The following VIRMA variants were observed in gnomAD, a reference collection of about 807,000 sequenced individuals.
The protein encoded by VIRMA is protein virilizer homolog.
In VIRMA, 65 loss-of-function variants were observed where a neutral mutation model predicts 182.4. The observed-to-expected ratio is 0.36, with a 90% CI of 0.29 to 0.44. VIRMA has a LOEUF of 0.44. VIRMA is among the 20% of genes least tolerant of loss of function. The pLI is 1.00. For missense variants in VIRMA, 1,752 were observed against 2,158.1 expected (o/e 0.81, Z 3.73); for synonymous variants, 709 against 743.1 (o/e 0.95, Z 0.75).
intron 16 of VIRMA, among the ~76,000 whole-genome samples, chr8:94,505,076 A>G (rs1814108851): frequency 6.6e-6 from 1 of 152,296 alleles, no homozygotes; most frequent in African/African-American, 2.4e-5. Context: ...CATGGAGTAA[A>G]TATCTTGGCA....
At chr8:94,508,073 T>C (rs914176413) in intron 15 of VIRMA, among the ~76,000 whole-genome samples, 8 of 151,948 alleles carry the variant, frequency 5.3e-5, no homozygotes, top group African/African-American at 9.7e-5. Context: ...TAAAAACTCC[T>C]GCTACTCTTT....
chr8:94,507,250 C>T (rs1162413136), intron 15 of VIRMA, among the ~76,000 whole-genome samples: 1 of 151,474 alleles, frequency 6.6e-6, no homozygotes, highest in African/African-American at 2.4e-5. Flanking sequence ...ATTCTCCTGC[C>T]TCAGCCTCCC....
intron 16 of VIRMA, 45 bp from the exon 17 acceptor site, chr8:94,499,551 A>C (rs747430787): frequency 7.8e-7 from 1 of 1,286,270 alleles, no homozygotes; most frequent in East Asian, 2.4e-5. Context: ...TTAAAATATG[A>C]GCATATAAAA....
intron 2 of VIRMA, among the ~76,000 whole-genome samples, chr8:94,543,292 T>A (rs112563742): frequency 0.04 from 6,002 of 149,598 alleles, 129 homozygotes; most frequent in Non-Finnish European, 0.05. Flanking sequence ...TCCCAGCTAC[T>A]CAGGAGGGTG....
chr8:94,506,770 C>A, intron 15 of VIRMA, 53 bp from the exon 16 acceptor site: 1 of 1,138,002 alleles, frequency 8.8e-7, no homozygotes, highest in South Asian at 1.3e-5. Flanking sequence ...ATCACCATCA[C>A]TTAGCACTTT....
In VIRMA at chr8:94,534,955, G is replaced by A; in HGVS notation, c.368C>T (p.Ala123Val). The stretch of plus-strand genomic sequence containing the variant: ...CACTCTATCCACTGATCCATATATT[G>A]CCAGTGTCAGACAGTTATACCAGCC... ...LRGWYNCLTL[A>V]IYGSVDRVIS... The change falls in exon 5 of 24, where the codon GCA (alanine) becomes GTA (valine). Residue 123 changes from alanine to valine, a missense_variant. By Grantham distance (64) the Ala-to-Val change is moderately conservative. Transcript: ENST00000297591. 6.2e-7 allele frequency: 1 copy of A among 1,613,700 alleles called. No homozygotes were observed. Among genetic ancestry groups the A allele is most frequent in the Non-Finnish European group, 8.5e-7 (1 of 1,179,912 alleles).
chr8:94,513,110 G>A (rs1211692274), intron 11 of VIRMA, among the ~76,000 whole-genome samples: 1 of 152,214 alleles, frequency 6.6e-6, no homozygotes, highest in Non-Finnish European at 1.5e-5. Flanking sequence ...GGCCATGGCG[G>A]GTGGATCACC....
Position 94,531,160 on chromosome 8 carries a change from G to C in VIRMA, c.485-75C>G, listed in dbSNP as rs537492512. 4.7e-5 allele frequency: 66 copies of C among 1,403,652 alleles called. No homozygotes were observed. In the South Asian group the frequency reaches 1.0e-3, roughly 22 times the overall value. The allele number at this position is 1,403,652 out of a possible 1,614,324, so 86.9% of individuals were successfully genotyped here. A position where few individuals can be genotyped will look rare whatever the true frequency, so the allele number is the denominator to read the frequency against. On this transcript the variant is annotated intron_variant, in intron 5 of 23. Transcript: ENST00000297591. ...CCCGAACAACATGGCTTTGAACTGT[G>C]TGGGTCCACTTACATGTGATTTTTT...
intron 5 of VIRMA, among the ~76,000 whole-genome samples, chr8:94,533,428 T>C (rs754109881): frequency 1.3e-5 from 2 of 152,000 alleles, no homozygotes; most frequent in Non-Finnish European, 2.9e-5. Flanking sequence ...ACTCCTTTTA[T>C]TTATTTATTT....
Position 94,526,844 on chromosome 8 carries a change from G to C in VIRMA, c.1400C>G (p.Ala467Gly). 1 of 1,614,198 alleles carries C rather than the reference G, an allele frequency of 6.2e-7. No individual in the cohort carries two copies. Among genetic ancestry groups the C allele is most frequent in the Non-Finnish European group, 8.5e-7 (1 of 1,180,032 alleles). Residue 467 changes from alanine (A) to glycine (G), a missense_variant, in exon 8 of 24, where the codon GCA (alanine) becomes GGA (glycine). By Grantham distance (60) the Ala-to-Gly change is moderately conservative. This residue lies in a region of VIRMA where 401 missense variants were observed against 455.1 expected (regional missense o/e 0.88). Coordinates refer to ENST00000297591, the MANE Select transcript of VIRMA (RefSeq NM_015496.5). ...KAGTKLVSSL[A>G]ECGAQGVTGL... is the part of the protein sequence containing the mutation. ...TGTAACTCCTTGAGCCCCACATTCT[G>C]CTAGTGAGGACACTAATTTGGTCCC...
chr8:94,512,135 T>G (rs373195589), intron 11 of VIRMA, 46 bp from the exon 12 acceptor site: 1 of 939,470 alleles, frequency 1.1e-6, no homozygotes, highest in Admixed American at 3.2e-5. Context: ...TTAGTACCCA[T>G]GAGATCAACA....
intron 8 of VIRMA, among the ~76,000 whole-genome samples, chr8:94,522,890 A>G (rs1465218065): frequency 6.6e-6 from 1 of 152,170 alleles, no homozygotes; most frequent in Non-Finnish European, 1.5e-5. Flanking sequence ...AATATTCAAT[A>G]CCTTTCCATA....
Position 94,529,359 on chromosome 8 carries a change from T to C in VIRMA, c.608-17A>G. 1 of 1,439,960 alleles carries C rather than the reference T, an allele frequency of 6.9e-7. No homozygotes were observed. The highest frequency in any genetic ancestry group is 9.8e-7 in the Non-Finnish European group (1 of 1,023,114). 89.2% of individuals were successfully genotyped at this position (1,439,960 alleles called of 1,614,324 possible). A position where few individuals can be genotyped will look rare whatever the true frequency, so the allele number is the denominator to read the frequency against. On this transcript the variant is annotated splice_polypyrimidine_tract_variant and intron_variant, in intron 6 of 23. Coordinates refer to ENST00000297591, the MANE Select transcript of VIRMA (RefSeq NM_015496.5). ...CACCAGACACTGAAAAATTGAGATT[T>C]AAGGCACAGACTATTTTAATGGTTT...
intron 1 of VIRMA, among the ~76,000 whole-genome samples, chr8:94,545,171 A>G (rs1255118643): frequency 6.6e-6 from 1 of 152,180 alleles, no homozygotes; most frequent in African/African-American, 2.4e-5. Flanking sequence ...AACAGCATAA[A>G]TTATATCTAG....
At position 94,511,520 on chromosome 8, in the gene VIRMA, C is replaced by G; in HGVS notation, c.3055G>C (p.Glu1019Gln). 6.2e-7 allele frequency: 1 copy of G among 1,614,098 alleles called. No homozygotes were observed. The highest frequency in any genetic ancestry group is 8.5e-7 in the Non-Finnish European group (1 of 1,179,994). ...TCAAAGGATCCACCTCTCAGGAGTTCCGTTAACATAGTTTTAAGAAGAGTG... is the reference window on the plus strand; with the variant it reads ...TCAAAGGATCCACCTCTCAGGAGTTGCGTTAACATAGTTTTAAGAAGAGTG... ...TLTLLKTMLTELLRGGSFEFK... is the reference protein window; with the variant it reads ...TLTLLKTMLTQLLRGGSFEFK... Residue 1019 changes from glutamate to glutamine, a missense_variant, in exon 13 of 24, where the codon GAA becomes CAA. Glu to Gln is a conservative substitution (Grantham distance 29, BLOSUM62 2). Coordinates refer to ENST00000297591, the MANE Select transcript of VIRMA (RefSeq NM_015496.5).
intron 4 of VIRMA, 28 bp downstream of exon 4, chr8:94,537,075 C>T: frequency 6.7e-7 from 1 of 1,495,482 alleles, no homozygotes; most frequent in Non-Finnish European, 9.3e-7. Flanking sequence ...ATAGTAATGA[C>T]AAGCTGAAAA....
At chr8:94,547,833 G>C (rs1815825746) in intron 1 of VIRMA, among the ~76,000 whole-genome samples, 1 of 144,956 alleles carries the variant, frequency 6.9e-6, no homozygotes, top group Non-Finnish European at 1.5e-5. Flanking sequence ...AAGAGTACGA[G>C]ACCAGCCTGG....
chr8:94,536,935 CG>C (rs1433710035), intron 4 of VIRMA, among the ~76,000 whole-genome samples, 167 bp downstream of exon 4: 3 of 151,872 alleles, frequency 2.0e-5, no homozygotes, highest in African/African-American at 7.3e-5. Context: ...GCCAAGATTG[CG>C]CCACTGCACT....
At chr8:94,494,591 CAAAAAAAAAAAA>C (rs1175058697) in intron 20 of VIRMA, among the ~76,000 whole-genome samples, 13 of 42,928 alleles carry the variant, frequency 3.0e-4, no homozygotes, top group South Asian at 1.4e-3. Flanking sequence ...GACTCTGTCT[CAAAAAAAAAAAA>C]AAAAAAAAAA....
Sources: gnomAD v4.1 joint callset for allele counts (sites outside exome capture counted in the v4.1 genomes callset) on GRCh38, gnomAD v4.1.1 for gene constraint, gnomAD v4.1.1 regional missense constraint, MANE v1.5 for transcripts, NCBI Gene and HGNC (gene_info 2026-07-23, HGNC 2026-07-21) for gene names.